SDK1: variants seen among roughly 807,000 people sequenced by gnomAD.
SDK1 encodes the protein sidekick cell adhesion molecule 1.
A neutral mutation model predicts 245.5 loss-of-function variants in SDK1; 157 were observed. The ratio of observed to expected loss-of-function variants is 0.64; its 90% CI spans 0.56 to 0.73. The LOEUF is 0.73. Among genes scored for constraint, SDK1 ranks in the 30% least tolerant of loss-of-function variants. The pLI, the probability that SDK1 is intolerant of heterozygous loss-of-function variation, is 0.00. For missense variants in SDK1, 3,583 were observed against 3,002.3 expected, an observed-to-expected ratio of 1.19 and a Z score of -4.52; for synonymous variants, 1,647 against 1,278.5, an observed-to-expected ratio of 1.29 and a Z score of -6.15.
At chr7:3,546,109 T>G (rs1199178399) in intron 1 of SDK1, among the ~76,000 whole-genome samples, 1 of 152,228 alleles carries the variant, frequency 6.6e-6, no homozygotes, top group Admixed American at 6.5e-5. Flanking sequence ...GCCTCAGGGT[T>G]GCCTGGAGGG....
At chr7:4,001,520 G>C (rs947855648) in intron 14 of SDK1, among the ~76,000 whole-genome samples, 2 of 152,216 alleles carry the variant, frequency 1.3e-5, no homozygotes, top group Non-Finnish European at 2.9e-5. Flanking sequence ...CTCAAAGCCT[G>C]TTGTGGGATC....
intron 4 of SDK1, among the ~76,000 whole-genome samples, chr7:3,779,611 A>G (rs1780665448): frequency 6.6e-6 from 1 of 152,220 alleles, no homozygotes; most frequent in Non-Finnish European, 1.5e-5. Context: ...ATCTGCAACT[A>G]AACTAAAATA....
chr7:4,132,720 C>T (rs1160414526), intron 28 of SDK1, among the ~76,000 whole-genome samples: 1 of 151,816 alleles, frequency 6.6e-6, no homozygotes, highest in Admixed American at 6.6e-5. Flanking sequence ...AGTGCAAGAC[C>T]CTATCCCCAA....
chr7:4,240,568 G>T (rs370449858), intron 42 of SDK1, among the ~76,000 whole-genome samples: 1 of 152,130 alleles, frequency 6.6e-6, no homozygotes, highest in Non-Finnish European at 1.5e-5. Flanking sequence ...CACGTCAAAG[G>T]GGGGCCAGGT....
rs113552298 is a variant in SDK1 at position 4,195,641 on chromosome 7, G to T, written c.5099-10238G>T. Among the ~76,000 whole-genome samples, 59 of 152,318 alleles carry T rather than the reference G, an allele frequency of 3.9e-4. 1 individual carries two copies. The highest frequency in any genetic ancestry group is 1.3e-3 in the African/African-American group (55 of 41,564). On this transcript the variant is annotated intron_variant, in intron 35 of 44. Coordinates refer to ENST00000404826, the MANE Select transcript of SDK1 (RefSeq NM_152744.4). The stretch of plus-strand genomic sequence containing the variant: ...TGTAGTAGCCAAGAGCAAGCACTTA[G>T]AAGCCAGAATGCCCAGGTCTGGCTC...
intron 4 of SDK1, among the ~76,000 whole-genome samples, chr7:3,663,690 C>G (rs1215535464): frequency 6.6e-6 from 1 of 152,174 alleles, no homozygotes; most frequent in African/African-American, 2.4e-5. Context: ...ACCGAGATGG[C>G]TGGCCACCCT....
intron 1 of SDK1, among the ~76,000 whole-genome samples, chr7:3,616,497 G>A (rs1781776910): frequency 6.6e-6 from 1 of 152,100 alleles, no homozygotes; most frequent in Non-Finnish European, 1.5e-5. Flanking sequence ...CCCACCAGAG[G>A]GCCTGCTTAA....
At chr7:3,626,784 A>G (rs900128086) in intron 2 of SDK1, among the ~76,000 whole-genome samples, 1 of 152,172 alleles carries the variant, frequency 6.6e-6, no homozygotes, top group African/African-American at 2.4e-5. Context: ...ATTAGAGTCA[A>G]ATTCTCTGGG....
chr7:3,679,189 G>C (rs967319202), intron 4 of SDK1, among the ~76,000 whole-genome samples: 3 of 152,194 alleles, frequency 2.0e-5, no homozygotes, highest in African/African-American at 7.2e-5. Flanking sequence ...GAAAATATTT[G>C]CCAGCCACAT....
At chr7:4,064,962 C>G (rs1781593935) in intron 19 of SDK1, among the ~76,000 whole-genome samples, 1 of 152,068 alleles carries the variant, frequency 6.6e-6, no homozygotes, top group Non-Finnish European at 1.5e-5. Context: ...CATAAACATT[C>G]AGTTAAACAG....
chr7:3,600,835 AC>A (rs1368946094), intron 1 of SDK1, among the ~76,000 whole-genome samples: 3 of 152,164 alleles, frequency 2.0e-5, no homozygotes, highest in Non-Finnish European at 4.4e-5. Context: ...GGCATTAGCC[AC>A]CGTGCCTGGC....
At chr7:4,045,940 T>C (rs572611501) in intron 17 of SDK1, among the ~76,000 whole-genome samples, 1 of 152,202 alleles carries the variant, frequency 6.6e-6, no homozygotes, top group African/African-American at 2.4e-5. Flanking sequence ...TTCTGCATAG[T>C]AGGTTTTTGT....
chr7:3,313,519 G>C (rs1779597734), intron 1 of SDK1, among the ~76,000 whole-genome samples: 1 of 152,208 alleles, frequency 6.6e-6, no homozygotes, highest in African/African-American at 2.4e-5. Context: ...GTGAGGTACA[G>C]ATTGTAAAGT....
chr7:3,840,509 T>G (rs1459112705), intron 5 of SDK1, among the ~76,000 whole-genome samples: 1 of 152,188 alleles, frequency 6.6e-6, no homozygotes, highest in Non-Finnish European at 1.5e-5. Flanking sequence ...ACTATCAGCA[T>G]CATCCTGGGA....
chr7:3,760,304 G>T (rs1445599055), intron 4 of SDK1, among the ~76,000 whole-genome samples: 1 of 152,012 alleles, frequency 6.6e-6, no homozygotes, highest in East Asian at 1.9e-4. Context: ...TACAAAGCTG[G>T]GTGCACACAA....
chr7:3,717,402 A>G (rs1785235360), intron 4 of SDK1, among the ~76,000 whole-genome samples: 1 of 152,226 alleles, frequency 6.6e-6, no homozygotes, highest in South Asian at 2.1e-4. Flanking sequence ...AAAAATCAAA[A>G]TGCAAAACAC....
intron 1 of SDK1, among the ~76,000 whole-genome samples, chr7:3,362,153 C>T (rs996788703): frequency 3.3e-5 from 5 of 152,166 alleles, no homozygotes; most frequent in African/African-American, 9.7e-5. Flanking sequence ...ATAACTCTTA[C>T]TGTAGAATCT....
intron 4 of SDK1, among the ~76,000 whole-genome samples, chr7:3,806,365 T>C (rs868527174): frequency 2.2e-4 from 22 of 98,378 alleles, no homozygotes; most frequent in Admixed American, 8.5e-4. Context: ...CACATTAGGA[T>C]GTGGATGTCC....
At chr7:4,063,652 A>C in intron 19 of SDK1, among the ~76,000 whole-genome samples, 1 of 151,968 alleles carries the variant, frequency 6.6e-6, no homozygotes, top group Non-Finnish European at 1.5e-5. Flanking sequence ...AAAGAGCCCA[A>C]ATAGCCAAAG....
Sources: allele counts gnomAD v4.1 joint callset (sites outside exome capture counted in the v4.1 genomes callset), GRCh38; gene constraint gnomAD v4.1.1; transcripts MANE v1.5; gene names NCBI Gene and HGNC (gene_info 2026-07-23, HGNC 2026-07-21).